LSAMP: variants seen among roughly 807,000 people sequenced by gnomAD.
LSAMP encodes the protein limbic system associated membrane protein, also known as limbic system-associated membrane protein.
A neutral mutation model predicts 38.6 loss-of-function variants in LSAMP; 7 were observed. The observed-to-expected ratio is 0.18, with a 90% CI of 0.10 to 0.34. The LOEUF (loss-of-function observed/expected upper bound fraction) is 0.34, where lower values mean the gene tolerates loss of function less well. Among genes scored for constraint, LSAMP ranks in the 10% least tolerant of loss-of-function variants. The probability of loss-of-function intolerance (pLI) is 1.00; values close to 1 mark genes in which losing one functional copy is unlikely to be tolerated. For missense variants in LSAMP, 313 were observed against 420.0 expected, an observed-to-expected ratio of 0.75 and a Z score of 2.23; for synonymous variants, 154 against 166.8, an observed-to-expected ratio of 0.92 and a Z score of 0.59.
intron 1 of LSAMP, among the ~76,000 whole-genome samples, chr3:116,271,679 C>A: frequency 6.6e-6 from 1 of 151,952 alleles, no homozygotes; most frequent in East Asian, 1.9e-4. Flanking sequence ...AACTTCCCAT[C>A]TTATACCACA....
At chr3:116,299,456 A>T (rs1221075854) in intron 1 of LSAMP, among the ~76,000 whole-genome samples, 3 of 152,270 alleles carry the variant, frequency 2.0e-5, no homozygotes, top group African/African-American at 7.2e-5. Flanking sequence ...AATGACAAAA[A>T]GTCACTATGC....
At chr3:115,850,554 T>C (rs932842504) in intron 4 of LSAMP, among the ~76,000 whole-genome samples, 4 of 152,200 alleles carry the variant, frequency 2.6e-5, no homozygotes, top group African/African-American at 9.7e-5. Flanking sequence ...AACATTGCGA[T>C]CATTAATGTG....
At chr3:116,431,000 A>G (rs936058890) in intron 1 of LSAMP, among the ~76,000 whole-genome samples, 17 of 151,770 alleles carry the variant, frequency 1.1e-4, no homozygotes, top group African/African-American at 3.6e-4. Context: ...TTTTTTTAAC[A>G]TTAACTAAAA....
At chr3:115,865,588 T>C (rs1935835520) in intron 3 of LSAMP, among the ~76,000 whole-genome samples, 1 of 152,198 alleles carries the variant, frequency 6.6e-6, no homozygotes, top group Admixed American at 6.6e-5. Flanking sequence ...TCTCAAACTG[T>C]GATCCATGGA....
intron 3 of LSAMP, among the ~76,000 whole-genome samples, chr3:115,941,448 A>G (rs1937916890): frequency 6.6e-6 from 1 of 152,162 alleles, no homozygotes; most frequent in Admixed American, 6.6e-5. Flanking sequence ...AAATGAAATT[A>G]TTACCTTGAA....
At chr3:115,967,512 G>A (rs544238537) in intron 3 of LSAMP, among the ~76,000 whole-genome samples, 4 of 152,110 alleles carry the variant, frequency 2.6e-5, no homozygotes, top group East Asian at 3.9e-4. Flanking sequence ...TTCCAAAGTC[G>A]CTTCCACATT....
intron 1 of LSAMP, among the ~76,000 whole-genome samples, chr3:116,425,807 G>A (rs541263652): frequency 1.6e-4 from 24 of 151,824 alleles, no homozygotes; most frequent in African/African-American, 5.8e-4. Context: ...TTTTTTGAGA[G>A]GAGGATGGGC....
At chr3:115,917,407 T>A (rs1305068577) in intron 3 of LSAMP, among the ~76,000 whole-genome samples, 1 of 152,176 alleles carries the variant, frequency 6.6e-6, no homozygotes, top group African/African-American at 2.4e-5. Flanking sequence ...ACAGGACCCA[T>A]CTCTCAGTGA....
chr3:116,122,459 G>T (rs1708905317), intron 1 of LSAMP, among the ~76,000 whole-genome samples: 1 of 152,122 alleles, frequency 6.6e-6, no homozygotes, highest in African/African-American at 2.4e-5. Context: ...CTGACCCCCT[G>T]TCTGAAGAAG....
chr3:115,918,736 A>T (rs1426087757), intron 3 of LSAMP, among the ~76,000 whole-genome samples: 3 of 133,958 alleles, frequency 2.2e-5, no homozygotes, highest in African/African-American at 5.7e-5. Flanking sequence ...TCCCTGCTTC[A>T]TGGTACTTAT....
In LSAMP at chr3:116,268,647, G is replaced by GTGTT. The variant is rs975498320; in HGVS notation, c.155+176226_155+176229dup. ...TTGGTTAGACCTCAATAATTTCTGT[G>GTGTT]TGTTTTAAGATTTCCAAAGTGTTTT... On this transcript the variant is annotated intron_variant, in intron 1 of 6. Transcript: ENST00000490035. Among the ~76,000 whole-genome samples, 3 of 151,676 alleles carry GTGTT rather than the reference G, an allele frequency of 2.0e-5. No individual in the cohort carries two copies. The South Asian group carries it at 6.2e-4, about 31-fold the overall frequency.
intron 1 of LSAMP, among the ~76,000 whole-genome samples, chr3:116,281,750 TAG>T (rs1693672565): frequency 6.6e-6 from 1 of 152,230 alleles, no homozygotes; most frequent in African/African-American, 2.4e-5. Context: ...TGATTTCATT[TAG>T]AGTGTCACAG....
chr3:116,204,890 T>C (rs1189650458), intron 1 of LSAMP, among the ~76,000 whole-genome samples: 3 of 142,146 alleles, frequency 2.1e-5, no homozygotes, highest in Non-Finnish European at 4.6e-5. Flanking sequence ...TGAGGGCTCT[T>C]TTTTGGTTCC....
intron 1 of LSAMP, among the ~76,000 whole-genome samples, chr3:116,358,110 A>G (rs1576158883): frequency 6.6e-6 from 1 of 152,156 alleles, no homozygotes; most frequent in East Asian, 1.9e-4. Flanking sequence ...TGTTTAGTCT[A>G]ACCGCCTTAA....
At chr3:116,245,059 T>C (rs2046587388) in intron 1 of LSAMP, among the ~76,000 whole-genome samples, 1 of 152,156 alleles carries the variant, frequency 6.6e-6, no homozygotes, top group East Asian at 1.9e-4. Context: ...TAGCTCAGAA[T>C]GTGACTATAC....
rs1013828207 is a variant in LSAMP at position 115,808,580 on chromosome 3, T to C, written c.*1737A>G. ...CCTAGATCACATTTCAGTGTTAATG[T>C]CAAGATGACTCTTATAGATGTAAAT... On this transcript the variant is annotated 3_prime_UTR_variant, in exon 7 of 7. Coordinates refer to ENST00000490035, the MANE Select transcript of LSAMP (RefSeq NM_002338.5). 1.3e-5 allele frequency: 2 copies of C among 152,210 alleles called. No individual in the cohort carries two copies. Among genetic ancestry groups the C allele is most frequent in the Admixed American group, 6.5e-5 (1 of 15,286 alleles). The allele number at this position is 152,210 out of a possible 1,614,324, so 9.4% of individuals were successfully genotyped here.
intron 3 of LSAMP, among the ~76,000 whole-genome samples, chr3:116,007,597 A>C (rs1232086234): frequency 6.6e-6 from 1 of 152,172 alleles, no homozygotes; most frequent in Non-Finnish European, 1.5e-5. Flanking sequence ...AAACCTCTTC[A>C]TCTAAAGTGA....
At chr3:115,855,466 T>C (rs1211929403) in intron 3 of LSAMP, among the ~76,000 whole-genome samples, 1 of 152,190 alleles carries the variant, frequency 6.6e-6, no homozygotes, top group East Asian at 1.9e-4. Flanking sequence ...GAGTTTTCCC[T>C]TAAGTGACCC....
intron 1 of LSAMP, among the ~76,000 whole-genome samples, chr3:116,114,038 T>G (rs1179712655): frequency 6.6e-6 from 1 of 152,190 alleles, no homozygotes; most frequent in Non-Finnish European, 1.5e-5. Flanking sequence ...AGCCCTGTGC[T>G]TCCAGGAACC....
Sources: allele counts gnomAD v4.1 joint callset (sites outside exome capture counted in the v4.1 genomes callset), GRCh38; gene constraint gnomAD v4.1.1; transcripts MANE v1.5; gene names NCBI Gene and HGNC (gene_info 2026-07-23, HGNC 2026-07-21).